The following FBXL13 variants were observed in gnomAD, a reference collection of about 807,000 sequenced individuals.
FBXL13 encodes the protein F-box and leucine rich repeat protein 13.
FBXL13 carries 67 observed loss-of-function variants against 83.6 expected under a neutral mutation model. That is an observed-to-expected ratio of 0.80 (90% CI 0.66 to 0.98). The LOEUF is 0.98. FBXL13 is among the 50% of genes least tolerant of loss of function. The probability of loss-of-function intolerance (pLI) is 0.00; values close to 1 mark genes in which losing one functional copy is unlikely to be tolerated. For synonymous variants in FBXL13, 272 were observed against 299.5 expected, an observed-to-expected ratio of 0.91 and a Z score of 0.95; for missense variants, 822 against 866.5, an observed-to-expected ratio of 0.95 and a Z score of 0.64.
intron 11 of FBXL13, among the ~76,000 whole-genome samples, chr7:102,887,339 A>G (rs909322217): frequency 6.6e-5 from 10 of 152,166 alleles, no homozygotes; most frequent in Non-Finnish European, 1.2e-4. Context: ...GAACAAAAAC[A>G]AAGTATATCA....
intron 1 of FBXL13, among the ~76,000 whole-genome samples, chr7:103,066,470 C>T (rs992498888): frequency 4.6e-5 from 7 of 151,988 alleles, no homozygotes; most frequent in Admixed American, 3.3e-4. Context: ...CGGCTCACTG[C>T]AAGCTCTGCC....
intron 17 of FBXL13, among the ~76,000 whole-genome samples, chr7:102,839,174 AT>A (rs1802502958): frequency 6.6e-6 from 1 of 152,214 alleles, no homozygotes; most frequent in Admixed American, 6.5e-5. Flanking sequence ...AGAAGCAAAA[AT>A]CTGGCTTACG....
At chr7:102,965,437 A>C (rs1264502973) in intron 7 of FBXL13, among the ~76,000 whole-genome samples, 2 of 152,278 alleles carry the variant, frequency 1.3e-5, no homozygotes, top group African/African-American at 4.8e-5. Context: ...GAAAGCATTC[A>C]ATAAATATTA....
intron 6 of FBXL13, among the ~76,000 whole-genome samples, chr7:103,004,818 T>C (rs1323991932): frequency 6.6e-6 from 1 of 152,202 alleles, no homozygotes; most frequent in African/African-American, 2.4e-5. Flanking sequence ...TCTGGGATAC[T>C]GATGGTGATA....
At chr7:102,903,939 C>CTTTTCTTTTCTTT (rs1321420603) in intron 11 of FBXL13, among the ~76,000 whole-genome samples, 1 of 43,472 alleles carries the variant, frequency 2.3e-5, no homozygotes, top group African/African-American at 1.0e-4. Flanking sequence ...CTTTTCTTTT[C>CTTTTCTTTTCTTT]TTTTTTTTTT....
At chr7:103,000,528 C>T (rs933322899) in intron 6 of FBXL13, among the ~76,000 whole-genome samples, 4 of 152,164 alleles carry the variant, frequency 2.6e-5, no homozygotes, top group Non-Finnish European at 5.9e-5. Flanking sequence ...CTGGAGAATG[C>T]TTTACATGCT....
At chr7:102,813,453 A>G in exon 20 of FBXL13, 1 of 1,614,182 alleles carries the variant, frequency 6.2e-7, no homozygotes. Flanking sequence ...CTTCCCTATC[A>G]TAGCCAAACC....
At chr7:103,027,064 C>A (rs772455992) in intron 5 of FBXL13, among the ~76,000 whole-genome samples, 2 of 152,098 alleles carry the variant, frequency 1.3e-5, no homozygotes, top group African/African-American at 2.4e-5. Context: ...GAGGCCGAGG[C>A]GGGCAGATCA....
At chr7:102,886,463 T>C (rs901953797) in intron 11 of FBXL13, among the ~76,000 whole-genome samples, 3 of 152,230 alleles carry the variant, frequency 2.0e-5, no homozygotes, top group East Asian at 1.9e-4. Flanking sequence ...CTGAGTGTCA[T>C]AGCCCCAGGA....
intron 6 of FBXL13, among the ~76,000 whole-genome samples, chr7:103,009,880 G>C (rs1398391314): frequency 6.6e-6 from 1 of 152,222 alleles, no homozygotes; most frequent in African/African-American, 2.4e-5. Context: ...GGGGAGTGCA[G>C]TCTCCTACTG....
chr7:102,878,294 T>C (rs1178434901), intron 15 of FBXL13, 37 bp downstream of exon 16: 1 of 1,559,444 alleles, frequency 6.4e-7, no homozygotes, highest in Non-Finnish European at 8.7e-7. Context: ...AAATATACAA[T>C]ACTAATGATA....
At chr7:102,842,035 C>T (rs946671648) in intron 17 of FBXL13, among the ~76,000 whole-genome samples, 2 of 152,140 alleles carry the variant, frequency 1.3e-5, no homozygotes, top group Non-Finnish European at 2.9e-5. Context: ...CTGGAATCTC[C>T]ATCATAGACA....
intron 4 of FBXL13, 31 bp downstream of exon 5, chr7:103,028,568 CA>C: frequency 6.9e-7 from 1 of 1,449,668 alleles, no homozygotes; most frequent in African/African-American, 1.5e-5. Flanking sequence ...TAAATGGATA[CA>C]AAAAGTAATT....
intron 6 of FBXL13, among the ~76,000 whole-genome samples, chr7:102,999,908 A>G (rs962670825): frequency 6.6e-6 from 1 of 151,540 alleles, no homozygotes; most frequent in Admixed American, 6.6e-5. Flanking sequence ...CCTGATCTTC[A>G]TTATTTCCTG....
At chr7:102,836,165 A>C (rs1341461630) in intron 17 of FBXL13, among the ~76,000 whole-genome samples, 1 of 152,218 alleles carries the variant, frequency 6.6e-6, no homozygotes, top group Non-Finnish European at 1.5e-5. Flanking sequence ...TATTCTTTAA[A>C]GACAAATGTT....
chr7:103,059,480 G>A (rs1055200050), intron 1 of FBXL13, among the ~76,000 whole-genome samples: 5 of 152,078 alleles, frequency 3.3e-5, no homozygotes, highest in Admixed American at 6.6e-5. Context: ...ATTGTAAGCA[G>A]AAGCAAAATA....
In FBXL13 at chr7:102,974,148, T is replaced by C. The variant is rs193128365; in HGVS notation, c.496-6031A>G. Among the ~76,000 whole-genome samples the C allele has an allele frequency of 2.8e-4, 43 of 152,240 alleles. No homozygotes were observed. The East Asian group carries it at 8.3e-3, about 29-fold the overall frequency. On this transcript the variant is annotated intron_variant, in intron 6 of 19. Coordinates refer to ENST00000313221, the Ensembl canonical transcript of FBXL13. ...GCTCATGCCTGTAATCCTAGCACTTTGCGAGGGTGAGGTGGGCGGATCACC... is the reference window on the plus strand; with the variant it reads ...GCTCATGCCTGTAATCCTAGCACTTCGCGAGGGTGAGGTGGGCGGATCACC...
chr7:102,948,572 C>T (rs1004734710), intron 8 of FBXL13, among the ~76,000 whole-genome samples: 11 of 151,778 alleles, frequency 7.2e-5, no homozygotes, highest in African/African-American at 2.4e-4. Context: ...TACAGGTGCC[C>T]GCCACCACAC....
chr7:102,897,916 C>T (rs1169909167), intron 11 of FBXL13, among the ~76,000 whole-genome samples: 1 of 152,148 alleles, frequency 6.6e-6, no homozygotes, highest in Non-Finnish European at 1.5e-5. Flanking sequence ...TAAAAACCCA[C>T]TCCAAGTTTG....
Sources: allele counts gnomAD v4.1 joint callset (sites outside exome capture counted in the v4.1 genomes callset), GRCh38; gene constraint gnomAD v4.1.1; transcripts MANE v1.5; gene names NCBI Gene and HGNC (gene_info 2026-07-23, HGNC 2026-07-21).